The following DNAH7 variants were observed in gnomAD, a reference collection of about 807,000 sequenced individuals.
DNAH7 encodes the protein dynein axonemal heavy chain 7.
DNAH7 carries 397 observed loss-of-function variants against 444.6 expected under a neutral mutation model. The observed-to-expected ratio is 0.89, with a 90% CI of 0.82 to 0.97. The LOEUF (loss-of-function observed/expected upper bound fraction) is 0.97. Ranked by LOEUF, DNAH7 falls within the 50% of genes least tolerant of loss-of-function variation. The pLI is 0.00. For missense variants in DNAH7, 4,902 were observed against 4,800.8 expected, an observed-to-expected ratio of 1.02 and a Z score of -0.62; for synonymous variants, 1,636 against 1,624.4, an observed-to-expected ratio of 1.01 and a Z score of -0.17.
At chr2:195,903,126 T>C (rs1457707778) in intron 27 of DNAH7, 1 of 152,040 alleles carries the variant, frequency 6.6e-6, no homozygotes, top group African/African-American at 2.4e-5. Context: ...AAATAAATGA[T>C]CAAGAATAGC....
At chr2:195,936,880 G>GATTACAAACATA in intron 19 of DNAH7, 88 bp from the exon 20 acceptor site, 1 of 1,072,586 alleles carries the variant, frequency 9.3e-7, no homozygotes, top group Non-Finnish European at 1.3e-6. Context: ...TTATATGTTT[G>GATTACAAACATA]TAATCAAACA....
At chr2:196,020,358 T>C (rs926927777) in intron 8 of DNAH7, among the ~76,000 whole-genome samples, 2 of 152,314 alleles carry the variant, frequency 1.3e-5, no homozygotes, top group Admixed American at 6.5e-5. Flanking sequence ...GTAACTCTTA[T>C]GACTTTAATA....
intron 61 of DNAH7, among the ~76,000 whole-genome samples, chr2:195,765,607 C>CA (rs1483467332): frequency 1.3e-5 from 2 of 152,136 alleles, no homozygotes; most frequent in East Asian, 1.9e-4. Flanking sequence ...ATACAAATGG[C>CA]AAAAAGGCAT....
At chr2:195,998,934 G>A (rs1242623969) in intron 12 of DNAH7, 2 of 511,596 alleles carry the variant, frequency 3.9e-6, no homozygotes, top group South Asian at 4.1e-5. Flanking sequence ...GAGAAAGCAT[G>A]AGTTGAAAGG....
chr2:195,861,296 G>A (rs1011067281), intron 42 of DNAH7, among the ~76,000 whole-genome samples: 2 of 151,976 alleles, frequency 1.3e-5, no homozygotes, highest in African/African-American at 2.4e-5. Context: ...TCTATAGCAG[G>A]TAAGTTTACT....
chr2:195,825,562 A>G (rs1392327288), intron 48 of DNAH7, among the ~76,000 whole-genome samples: 1 of 152,204 alleles, frequency 6.6e-6, no homozygotes, highest in Non-Finnish European at 1.5e-5. Flanking sequence ...TCTGAATATT[A>G]TAACAAACAC....
chr2:195,847,535 C>CTAGA (rs1378644683), intron 46 of DNAH7, among the ~76,000 whole-genome samples: 2 of 151,686 alleles, frequency 1.3e-5, no homozygotes, highest in African/African-American at 2.4e-5. Context: ...AAACTACCTA[C>CTAGA]TAGATACTAT....
chr2:195,778,132 G>T, intron 58 of DNAH7, 147 bp from the exon 59 acceptor site: 2 of 695,310 alleles, frequency 2.9e-6, no homozygotes, highest in Non-Finnish European at 4.2e-6. Context: ...GCTAATTGTT[G>T]CCATTTTTCC....
rs1196892990 is a variant in DNAH7, at chr2:195,923,780, T to C, written c.3640A>G (p.Asn1214Asp). The C allele has an allele frequency of 1.2e-6, 2 of 1,614,156 alleles. No homozygotes were observed. Among genetic ancestry groups the C allele is most frequent in the Non-Finnish European group, 8.5e-7 (1 of 1,180,008 alleles). ...KALEQYLKTC[N>D]RQIDDIVTLV... ...GTGACAATATCATCAATTTGTCTGTTACATGTTTTCAAGTATTGCTCAAGA... is the reference window on the plus strand; with the variant it reads ...GTGACAATATCATCAATTTGTCTGTCACATGTTTTCAAGTATTGCTCAAGA... Residue 1214 changes from asparagine (N) to aspartate (D), a missense_variant, in exon 23 of 65, where the codon AAC (asparagine) becomes GAC (aspartate). Asn to Asp is a conservative substitution (Grantham distance 23). Transcript: ENST00000312428.
intron 63 of DNAH7, among the ~76,000 whole-genome samples, chr2:195,750,398 A>G (rs1215681352): frequency 2.6e-5 from 4 of 152,220 alleles, no homozygotes; most frequent in African/African-American, 9.7e-5. Context: ...ATAACCCTGA[A>G]AGACATCATC....
intron 7 of DNAH7, among the ~76,000 whole-genome samples, chr2:196,025,235 C>T (rs1209135713): frequency 1.3e-5 from 2 of 152,148 alleles, no homozygotes; most frequent in Admixed American, 1.3e-4. Context: ...TTTTAAGTTG[C>T]ATAAGAGCAT....
At position 196,024,444 on chromosome 2, in the gene DNAH7, G is replaced by A. The variant is rs1359513382; in HGVS notation, c.728C>T (p.Pro243Leu). ...KGDDKKTDELPAHRAEMEILP... is the reference protein window; with the variant it reads ...KGDDKKTDELLAHRAEMEILP... ...GATCACTTACTCAGCACGATGGGCTGGAAGTTCATCTGTCTTCTTATCATC... is the reference window on the plus strand; with the variant it reads ...GATCACTTACTCAGCACGATGGGCTAGAAGTTCATCTGTCTTCTTATCATC... The change falls in exon 8 of 65, where the codon CCA becomes CTA. Residue 243 changes from proline (P) to leucine (L), a missense_variant. By Grantham distance (98) the Pro-to-Leu change is moderately conservative (BLOSUM62 -3). Transcript: ENST00000312428. 6 of 1,584,720 alleles carry A rather than the reference G, an allele frequency of 3.8e-6. No individual in the cohort carries two copies. Among genetic ancestry groups the A allele is most frequent in the African/African-American group, 2.7e-5 (2 of 73,436 alleles).
chr2:195,855,088 T>C (rs1699614578), intron 45 of DNAH7, among the ~76,000 whole-genome samples: 1 of 152,216 alleles, frequency 6.6e-6, no homozygotes, highest in South Asian at 2.1e-4. Flanking sequence ...CTTTCTGTTC[T>C]TTAGTTTCTT....
At chr2:195,863,026 G>C (rs184346972) in intron 41 of DNAH7, among the ~76,000 whole-genome samples, 1 of 152,216 alleles carries the variant, frequency 6.6e-6, no homozygotes, top group African/African-American at 2.4e-5. Context: ...ACAAGAGTGA[G>C]ACTGCATCTC....
chr2:196,065,106 A>G (rs1698354363), intron 1 of DNAH7, among the ~76,000 whole-genome samples: 1 of 151,970 alleles, frequency 6.6e-6, no homozygotes, highest in Non-Finnish European at 1.5e-5. Context: ...AATTCCCTCC[A>G]CTTTACCTTT....
intron 15 of DNAH7, 53 bp from the exon 16 acceptor site, chr2:195,972,519 G>A (rs779513997): frequency 2.0e-5 from 27 of 1,346,490 alleles, no homozygotes; most frequent in African/African-American, 7.2e-5. Context: ...CTCATGTCAC[G>A]AAACAGCCTG....
At chr2:195,776,260 A>G (rs1406213092) in intron 59 of DNAH7, among the ~76,000 whole-genome samples, 1 of 152,084 alleles carries the variant, frequency 6.6e-6, no homozygotes, top group Non-Finnish European at 1.5e-5. Context: ...CCTGACCAAC[A>G]TGGAGAAACC....
intron 1 of DNAH7, among the ~76,000 whole-genome samples, chr2:196,058,472 G>A (rs1221700144): frequency 6.6e-6 from 1 of 152,110 alleles, no homozygotes; most frequent in Non-Finnish European, 1.5e-5. Flanking sequence ...GTCTCTCCAC[G>A]TGTTTTTTCC....
At chr2:195,934,849 G>GAGT in intron 20 of DNAH7, 60 bp from the exon 21 acceptor site, 1 of 1,562,208 alleles carries the variant, frequency 6.4e-7, no homozygotes, top group South Asian at 1.1e-5. Context: ...TTACACTCCA[G>GAGT]AGTTCTTCGT....
Sources: gnomAD v4.1 joint callset for allele counts (sites outside exome capture counted in the v4.1 genomes callset) on GRCh38, gnomAD v4.1.1 for gene constraint, MANE v1.5 for transcripts, NCBI Gene and HGNC (gene_info 2026-07-23, HGNC 2026-07-21) for gene names.